Variants in GTF2A1L observed in about 807,000 individuals in gnomAD.
GTF2A1L encodes TFIIA-alpha and beta-like factor.
A neutral mutation model predicts 49.7 loss-of-function variants in GTF2A1L; 48 were observed. That is an observed-to-expected ratio of 0.97 (90% CI 0.77 to 1.23). The LOEUF is 1.23. Ranked by LOEUF, GTF2A1L falls within the 50% of genes most tolerant of loss-of-function variation. GTF2A1L has a pLI of 0.00. For synonymous variants in GTF2A1L, 246 were observed against 193.5 expected, an observed-to-expected ratio of 1.27 and a Z score of -2.25; for missense variants, 736 against 564.8, an observed-to-expected ratio of 1.30 and a Z score of -3.07.
At chr2:48,664,313 T>C (rs1678691911) in intron 6 of GTF2A1L, among the ~76,000 whole-genome samples, 1 of 151,790 alleles carries the variant, frequency 6.6e-6, no homozygotes, top group Non-Finnish European at 1.5e-5. Context: ...TTCTTTAATG[T>C]AGTTTTTTTT....
Position 48,666,760 on chromosome 2 carries a change from A to C in GTF2A1L, c.979-2962A>C, listed in dbSNP as rs186791063. Among the ~76,000 whole-genome samples the C allele has an allele frequency of 1.6e-3, 237 of 152,040 alleles. 1 individual carries two copies. Among genetic ancestry groups the C allele is most frequent in the Non-Finnish European group, 2.7e-3 (183 of 67,962 alleles). On this transcript the variant is annotated intron_variant, in intron 6 of 8. Coordinates refer to ENST00000403751, the MANE Select transcript of GTF2A1L (RefSeq NM_006872.5). ...TTTTTATTGTTAGAATTTTGTGCTA[A>C]AATTCTTGTTTTTCTTTTTTCTTTA...
chr2:48,636,608 C>G (rs1295978939), intron 3 of GTF2A1L, among the ~76,000 whole-genome samples: 3 of 152,168 alleles, frequency 2.0e-5, no homozygotes, highest in Non-Finnish European at 4.4e-5. Context: ...AAAAGGCATA[C>G]TTTGTCTTGG....
intron 1 of GTF2A1L, among the ~76,000 whole-genome samples, chr2:48,619,067 C>T (rs908042462): frequency 6.6e-6 from 1 of 152,128 alleles, no homozygotes; most frequent in Non-Finnish European, 1.5e-5. Flanking sequence ...GGCATTTAGT[C>T]TTAATGCATG....
chr2:48,617,944 G>A (rs1221096892), intron 1 of GTF2A1L, 49 bp downstream of exon 1: 2 of 1,539,178 alleles, frequency 1.3e-6, no homozygotes, highest in Admixed American at 2.0e-5. Context: ...TGGGACTCCG[G>A]GTTCACGGCA....
rs777176817 is a variant in GTF2A1L, at chr2:48,620,984, C to G, written c.123+32C>G. On this transcript the variant is annotated intron_variant, in intron 2 of 8. Transcript: ENST00000403751. ...AGCCGATACAACTTTTTCTTCCTGT[C>G]TTTTGTTGTTTTTTTCAGCATACAA... 6 of 1,586,924 alleles carry G rather than the reference C, an allele frequency of 3.8e-6. No homozygotes were observed. The Admixed American group carries it at 9.3e-5, about 25-fold the overall frequency.
intron 3 of GTF2A1L, among the ~76,000 whole-genome samples, chr2:48,626,261 G>T (rs904060840): frequency 7.0e-6 from 1 of 143,610 alleles, no homozygotes; most frequent in Admixed American, 7.1e-5. Flanking sequence ...ATACTGTTTT[G>T]ATTACTACAG....
At chr2:48,643,851 A>C (rs1291128795) in intron 4 of GTF2A1L, among the ~76,000 whole-genome samples, 1 of 151,836 alleles carries the variant, frequency 6.6e-6, no homozygotes, top group Admixed American at 6.6e-5. Flanking sequence ...GACGCCCGCC[A>C]CCATGCCCAA....
chr2:48,634,745 G>A lies in GTF2A1L; in HGVS notation c.248-7657G>A, dbSNP rs553228566. 2.0e-5 allele frequency among the ~76,000 whole-genome samples: 3 copies of A among 152,324 alleles called. No homozygotes were observed. In the South Asian group the frequency reaches 6.2e-4, roughly 32 times the overall value. ...GCCCCTAGTCTCTCCTGGCTTGTAAGGTTTCTGCTGAGAAGTCTGCTTTTA... is the reference window on the plus strand; with the variant it reads ...GCCCCTAGTCTCTCCTGGCTTGTAAAGTTTCTGCTGAGAAGTCTGCTTTTA... On this transcript the variant is annotated intron_variant, in intron 3 of 8. Transcript: ENST00000403751.
In GTF2A1L at chr2:48,642,419, G is replaced by T. The variant is rs549984931; in HGVS notation, c.265G>T (p.Ala89Ser). ...CTATGCAGCATCATTAGTTATTCCT[G>T]CTGGTAGAACTCTTCCAAGTTTTAC... ...QSSTASLVIPAGRTLPSFTTA... is the reference protein window; with the variant it reads ...QSSTASLVIPSGRTLPSFTTA... Residue 89 changes from alanine to serine, a missense_variant, in exon 4 of 9, where the codon GCT becomes TCT. By Grantham distance (99) the Ala-to-Ser change is moderately conservative. Coordinates refer to ENST00000403751, the MANE Select transcript of GTF2A1L (RefSeq NM_006872.5). 1.9e-6 allele frequency: 3 copies of T among 1,590,792 alleles called. No individual in the cohort carries two copies. The highest frequency in any genetic ancestry group is 3.3e-5 in the Admixed American group (2 of 59,746).
Position 48,679,589 on chromosome 2 carries a change from G to A in GTF2A1L, c.*147G>A. The A allele has an allele frequency of 2.1e-6, 3 of 1,414,758 alleles. No individual in the cohort carries two copies. Among genetic ancestry groups the A allele is most frequent in the Non-Finnish European group, 2.8e-6 (3 of 1,088,506 alleles). The allele number at this position is 1,414,758 out of a possible 1,614,324, so 87.6% of individuals were successfully genotyped here. A position where few individuals can be genotyped will look rare whatever the true frequency, so the allele number is the denominator to read the frequency against. The stretch of plus-strand genomic sequence containing the variant: ...TGGAATTTAATAAAATTATAATTCA[G>A]ATGCAGATACAATTACACAATTTTA... On this transcript the variant is annotated 3_prime_UTR_variant, in exon 9 of 9. Transcript: ENST00000403751.
chr2:48,649,323 C>T (rs1400125126), intron 6 of GTF2A1L, among the ~76,000 whole-genome samples: 3 of 152,004 alleles, frequency 2.0e-5, no homozygotes, highest in African/African-American at 7.2e-5. Flanking sequence ...GTAAATATTC[C>T]TGGAATCTGT....
intron 1 of GTF2A1L, among the ~76,000 whole-genome samples, chr2:48,620,235 C>T (rs1238072532): frequency 1.3e-5 from 2 of 152,158 alleles, no homozygotes; most frequent in Non-Finnish European, 2.9e-5. Flanking sequence ...TAAATACTGA[C>T]ACAAAAGGCA....
intron 8 of GTF2A1L, among the ~76,000 whole-genome samples, chr2:48,674,597 A>C (rs943723527): frequency 6.6e-6 from 1 of 152,154 alleles, no homozygotes; most frequent in Non-Finnish European, 1.5e-5. Flanking sequence ...AACTTGTTTT[A>C]GTTTCTTATA....
rs187256097 is a variant in GTF2A1L, at chr2:48,624,162, T to G, written c.247+2872T>G. Among the ~76,000 whole-genome samples, 19 of 122,604 alleles carry G rather than the reference T, an allele frequency of 1.5e-4. 1 individual carries two copies. Among genetic ancestry groups the G allele is most frequent in the African/African-American group, 5.1e-4 (19 of 37,384 alleles). The allele number at this position is 122,604 out of a possible 152,430, so 80.4% of individuals were successfully genotyped here. On this transcript the variant is annotated intron_variant, in intron 3 of 8. Coordinates refer to ENST00000403751, the MANE Select transcript of GTF2A1L (RefSeq NM_006872.5). The stretch of plus-strand genomic sequence containing the variant: ...GTTTGGTCTCAGGACCCCTTTAAGC[T>G]CATAAAAATTAAGGACCCCAAATAG...
At chr2:48,660,321 C>A (rs1678419937) in intron 6 of GTF2A1L, among the ~76,000 whole-genome samples, 2 of 151,922 alleles carry the variant, frequency 1.3e-5, no homozygotes, top group Non-Finnish European at 2.9e-5. Context: ...TTTTGTTCTT[C>A]CATTTTTTGG....
Position 48,626,663 on chromosome 2 carries a change from C to G in GTF2A1L, c.247+5373C>G, listed in dbSNP as rs573825234. On this transcript the variant is annotated intron_variant, in intron 3 of 8. Transcript: ENST00000403751. ...CCTTGGCTCACTGCAGCCTCCACCC[C>G]CTGGGCGCAAGCCATTCTCCCACCT... Among the ~76,000 whole-genome samples, 49 of 144,028 alleles carry G rather than the reference C, an allele frequency of 3.4e-4. 8 individuals carry two copies. The highest frequency in any genetic ancestry group is 9.4e-4 in the South Asian group (4 of 4,250). 94.5% of individuals were successfully genotyped at this position (144,028 alleles called of 152,430 possible).
chr2:48,662,075 A>G (rs974943169), intron 6 of GTF2A1L, among the ~76,000 whole-genome samples: 3 of 152,098 alleles, frequency 2.0e-5, no homozygotes, highest in African/African-American at 7.2e-5. Flanking sequence ...TACCACGGGT[A>G]TTACATATAA....
rs778384805 is a variant in GTF2A1L at position 48,676,348 on chromosome 2, C to G, written c.1330-2987C>G. On this transcript the variant is annotated intron_variant, in intron 8 of 8. Transcript: ENST00000403751. ...ATTTTCATAATGTGTGCAGATATAT[C>G]TATTAAATCCCCAGAAATGGGATTC... Among the ~76,000 whole-genome samples, 4 of 151,846 alleles carry G rather than the reference C, an allele frequency of 2.6e-5. No individual in the cohort carries two copies. The South Asian group carries it at 8.3e-4, about 32-fold the overall frequency.
chr2:48,654,726 T>C (rs901686964), intron 6 of GTF2A1L, among the ~76,000 whole-genome samples: 1 of 152,112 alleles, frequency 6.6e-6, no homozygotes, highest in Non-Finnish European at 1.5e-5. Context: ...TGTTTTAGCA[T>C]TGTTTGTTAA....
Sources: gnomAD v4.1 joint callset for allele counts (sites outside exome capture counted in the v4.1 genomes callset) on GRCh38, gnomAD v4.1.1 for gene constraint, MANE v1.5 for transcripts, NCBI Gene and HGNC (gene_info 2026-07-23, HGNC 2026-07-21) for gene names.